ZNF385D: variants seen among roughly 807,000 people sequenced by gnomAD.
ZNF385D encodes zinc finger protein 385D, also known as zinc finger protein 659.
A neutral mutation model predicts 35.8 loss-of-function variants in ZNF385D; 15 were observed. The observed-to-expected ratio is 0.42, with a 90% CI of 0.28 to 0.64. The LOEUF (loss-of-function observed/expected upper bound fraction) is 0.64, where lower values mean the gene tolerates loss of function less well. ZNF385D is among the 30% of genes least tolerant of loss of function. ZNF385D has a pLI of 0.23. For missense variants in ZNF385D, 474 were observed against 494.6 expected (o/e 0.96, Z 0.39); for synonymous variants, 212 against 186.8 (o/e 1.13, Z -1.10).
intron 3 of ZNF385D, among the ~76,000 whole-genome samples, chr3:22,123,552 G>A (rs13085434): frequency 0.09 from 13,628 of 152,148 alleles, 776 homozygotes; most frequent in Middle Eastern, 0.15. Flanking sequence ...TATATAAAAT[G>A]TACAACAAAA....
upstream of ZNF385D, among the ~76,000 whole-genome samples, chr3:21,753,392 A>G (rs924379187): frequency 5.9e-5 from 9 of 152,214 alleles, no homozygotes; most frequent in African/African-American, 9.6e-5. Context: ...CTAGAAACAA[A>G]TATATCTATA....
intron 3 of ZNF385D, among the ~76,000 whole-genome samples, chr3:22,095,088 C>CTTTTTTTTTTTT (rs10663641): frequency 8.2e-6 from 1 of 121,974 alleles, no homozygotes; most frequent in Non-Finnish European, 1.6e-5. Context: ...TTCATTCTTT[C>CTTTTTTTTTTTT]TTTTTTTTTT....
chr3:21,414,233 TTAGGAGAC>T lies in ZNF385D; in HGVS notation c.*6973_*6980del, dbSNP rs2125227439. 6.6e-6 allele frequency: 1 copy of T among 152,136 alleles called. No homozygotes were observed. The highest frequency in any genetic ancestry group is 2.4e-5 in the African/African-American group (1 of 41,548). The allele number at this position is 152,136 out of a possible 1,614,324, so 9.4% of individuals were successfully genotyped here. ...CAAAACAAAACAAAAAAAAGTTCAG[TTAGGAGAC>T]CTTAGTTGAAACTGACATAAGATTT... On this transcript the variant is annotated 3_prime_UTR_variant, in exon 8 of 8. Transcript: ENST00000281523.
chr3:22,021,620 C>T (rs1697229209), intron 3 of ZNF385D, among the ~76,000 whole-genome samples: 1 of 151,976 alleles, frequency 6.6e-6, no homozygotes, highest in African/African-American at 2.4e-5. Flanking sequence ...AGCTCCATGC[C>T]AAGTCTATAA....
At chr3:21,691,739 A>G (rs1357327713) in intron 1 of ZNF385D, among the ~76,000 whole-genome samples, 3 of 152,196 alleles carry the variant, frequency 2.0e-5, no homozygotes, top group African/African-American at 7.2e-5. Context: ...AAAATTTACC[A>G]TTTAAAAATG....
chr3:21,557,094 A>G (rs1398578209), intron 3 of ZNF385D, among the ~76,000 whole-genome samples: 1 of 152,216 alleles, frequency 6.6e-6, no homozygotes, highest in African/African-American at 2.4e-5. Flanking sequence ...ATCTAAATAT[A>G]CAATCATGTC....
chr3:21,954,342 C>T (rs2125304273), intron 3 of ZNF385D, among the ~76,000 whole-genome samples: 1 of 152,030 alleles, frequency 6.6e-6, no homozygotes. Context: ...TCTTTTGTTT[C>T]AAGTAAACAC....
chr3:22,339,731 A>G (rs965217899), intron 2 of ZNF385D, among the ~76,000 whole-genome samples: 1 of 152,222 alleles, frequency 6.6e-6, no homozygotes, highest in Non-Finnish European at 1.5e-5. Flanking sequence ...CTTAGAAATC[A>G]GTACACTGGT....
At chr3:21,757,605 C>T (rs921514688) in intron 3 of ZNF385D, among the ~76,000 whole-genome samples, 3 of 152,110 alleles carry the variant, frequency 2.0e-5, no homozygotes, top group African/African-American at 4.8e-5. Flanking sequence ...TGAGTACTCC[C>T]GTGCCAAGTA....
chr3:21,710,774 G>A (rs1175046049), intron 1 of ZNF385D, among the ~76,000 whole-genome samples: 1 of 152,150 alleles, frequency 6.6e-6, no homozygotes, highest in African/African-American at 2.4e-5. Context: ...CTCCAAAGAA[G>A]TTATGTAACC....
intron 3 of ZNF385D, among the ~76,000 whole-genome samples, chr3:22,004,874 A>T (rs1269677681): frequency 6.6e-6 from 1 of 152,084 alleles, no homozygotes; most frequent in East Asian, 1.9e-4. Flanking sequence ...TTGATGTCTC[A>T]TGTCTCCCTA....
chr3:21,752,920 A>AGCC (rs2070171781), upstream of ZNF385D, among the ~76,000 whole-genome samples: 1 of 152,170 alleles, frequency 6.6e-6, no homozygotes, highest in Admixed American at 6.5e-5. Flanking sequence ...TTATTCATGA[A>AGCC]GCCTGTAAGC....
In ZNF385D at chr3:22,273,024, GATC is replaced by G. The variant is rs374994095; in HGVS notation, c.106+99423_106+99425del. On this transcript the variant is annotated intron_variant, in intron 2 of 5. Transcript: ENST00000494108. ...TAGCATGCTTTTATGCTATAACTAG[GATC>G]ATTATTTAACTCACAAATTTTAAAA... Among the ~76,000 whole-genome samples the G allele has an allele frequency of 6.1e-3, 931 of 151,482 alleles. 4 individuals are homozygous for G. The highest frequency in any genetic ancestry group is 0.022 in the African/African-American group (895 of 41,334).
In ZNF385D at chr3:21,951,514, C is replaced by A. The variant is rs904748625; in HGVS notation, c.325+217303G>T. Among the ~76,000 whole-genome samples, 4 of 151,722 alleles carry A rather than the reference C, an allele frequency of 2.6e-5. No individual in the cohort carries two copies. The East Asian group carries it at 7.7e-4, about 29-fold the overall frequency. On this transcript the variant is annotated intron_variant, in intron 3 of 5. Coordinates refer to the ZNF385D transcript ENST00000494108. ...TCTGCAAACACAGACAATTTGACTT[C>A]CATTCTTCCTATTTGAATACCCTTT...
At chr3:21,709,573 T>C (rs1004940606) in intron 1 of ZNF385D, among the ~76,000 whole-genome samples, 2 of 152,188 alleles carry the variant, frequency 1.3e-5, no homozygotes, top group African/African-American at 4.8e-5. Context: ...CCAAGTCTTT[T>C]CAATAGAAGT....
chr3:21,584,661 A>T (rs1190413897), intron 2 of ZNF385D, among the ~76,000 whole-genome samples: 1 of 151,986 alleles, frequency 6.6e-6, no homozygotes. Context: ...ATGTTTTTCT[A>T]GTTTCTTTTT....
At chr3:22,333,429 G>C (rs760804699) in intron 2 of ZNF385D, among the ~76,000 whole-genome samples, 4 of 151,752 alleles carry the variant, frequency 2.6e-5, no homozygotes, top group Non-Finnish European at 4.4e-5. Flanking sequence ...TTTCGGTATG[G>C]TCCCATAAGG....
chr3:22,123,871 C>G (rs1317791150), intron 3 of ZNF385D, among the ~76,000 whole-genome samples: 3 of 147,044 alleles, frequency 2.0e-5, no homozygotes, highest in Non-Finnish European at 4.5e-5. Flanking sequence ...TCAGAAAAAC[C>G]AAACCAAACC....
intron 3 of ZNF385D, among the ~76,000 whole-genome samples, chr3:22,000,192 C>A (rs1324143845): frequency 6.6e-6 from 1 of 152,024 alleles, no homozygotes; most frequent in Non-Finnish European, 1.5e-5. Flanking sequence ...GTAGTCCCAG[C>A]TACTAAGGAG....
Sources: allele counts gnomAD v4.1 joint callset (sites outside exome capture counted in the v4.1 genomes callset), GRCh38; gene constraint gnomAD v4.1.1; transcripts MANE v1.5; gene names NCBI Gene and HGNC (gene_info 2026-07-23, HGNC 2026-07-21).